Variants in DOCK10 observed in about 807,000 individuals in gnomAD.
DOCK10 encodes dedicator of cytokinesis 10, also known as dedicator of cytokinesis protein 10.
In DOCK10, 145 loss-of-function variants were observed where a neutral mutation model predicts 280.1. The ratio of observed to expected loss-of-function variants is 0.52; its 90% confidence interval spans 0.45 to 0.59. DOCK10 has a LOEUF of 0.59. Ranked by LOEUF, DOCK10 falls within the 20% of genes least tolerant of loss-of-function variation. The probability of loss-of-function intolerance (pLI) is 0.00; values close to 1 mark genes in which losing one functional copy is unlikely to be tolerated. For missense variants in DOCK10, 2,368 were observed against 2,651.7 expected, an observed-to-expected ratio of 0.89 and a Z score of 2.35; for synonymous variants, 915 against 942.2, an observed-to-expected ratio of 0.97 and a Z score of 0.53.
intron 28 of DOCK10, among the ~76,000 whole-genome samples, chr2:224,822,543 G>A (rs994449196): frequency 1.3e-5 from 2 of 152,018 alleles, no homozygotes; most frequent in Non-Finnish European, 2.9e-5. Context: ...TGGGCTACGT[G>A]GCAAAACCCC....
chr2:224,808,138 T>C, intron 31 of DOCK10, 52 bp from the exon 32 acceptor site: 1 of 1,514,062 alleles, frequency 6.6e-7, no homozygotes, highest in Non-Finnish European at 9.0e-7. Flanking sequence ...ATGATCACTT[T>C]ATAATTGAGA....
At chr2:224,886,008 G>A (rs772931077) in intron 6 of DOCK10, 55 bp downstream of exon 6, 57 of 1,609,264 alleles carry the variant, frequency 3.5e-5, no homozygotes, top group Middle Eastern at 1.8e-4. Flanking sequence ...GTGACCAGAG[G>A]AGGGAGTGTT....
intron 1 of DOCK10, among the ~76,000 whole-genome samples, chr2:224,946,319 A>G (rs1034050099): frequency 6.6e-6 from 1 of 152,186 alleles, no homozygotes; most frequent in African/African-American, 2.4e-5. Context: ...AAAACCTTTA[A>G]AAGTATCACT....
At chr2:224,949,694 A>T (rs1703621173) in intron 1 of DOCK10, among the ~76,000 whole-genome samples, 1 of 152,164 alleles carries the variant, frequency 6.6e-6, no homozygotes, top group South Asian at 2.1e-4. Flanking sequence ...CAAATCCTGG[A>T]TCCATCACTT....
At position 224,886,330 on chromosome 2, in the gene DOCK10, G is replaced by A. The variant is rs975158228; in HGVS notation, c.489+129C>T. ...TTTCAAAACAAACGTGACTCATTTT[G>A]ACTAAAAGCCCTACCACCAACAGCT... On this transcript the variant is annotated intron_variant, in intron 5 of 55. Transcript: ENST00000258390. The A allele has an allele frequency of 6.1e-6, 9 of 1,467,270 alleles. No homozygotes were observed. The African/African-American group carries it at 1.3e-4, about 21-fold the overall frequency. 90.9% of individuals were successfully genotyped at this position (1,467,270 alleles called of 1,614,324 possible).
At chr2:224,972,672 G>C (rs556078059) in intron 1 of DOCK10, among the ~76,000 whole-genome samples, 2 of 152,030 alleles carry the variant, frequency 1.3e-5, no homozygotes, top group Admixed American at 1.3e-4. Context: ...CCTGATTTTC[G>C]ACTTTTCTTT....
chr2:224,871,967 C>T (rs1050804864), intron 11 of DOCK10, among the ~76,000 whole-genome samples: 3 of 152,166 alleles, frequency 2.0e-5, no homozygotes, highest in Admixed American at 1.3e-4. Flanking sequence ...TATCTAGTTA[C>T]TTCCTGTTTT....
rs748897529 is a variant in DOCK10, at chr2:224,765,698, G to T, written c.*23C>A. 1.3e-6 allele frequency: 2 copies of T among 1,487,318 alleles called. No individual in the cohort carries two copies. Among genetic ancestry groups the T allele is most frequent in the Admixed American group, 1.7e-5 (1 of 57,758 alleles). 92.1% of individuals were successfully genotyped at this position (1,487,318 alleles called of 1,614,324 possible). On this transcript the variant is annotated 3_prime_UTR_variant, in exon 56 of 56. Transcript: ENST00000258390. Reference sequence around the variant, plus strand: ...GCAAATTCAGAAAGTTCTCTTAGAGGTGGGTCTGATGCTGCAGAGCCCTCA... The same window carrying T: ...GCAAATTCAGAAAGTTCTCTTAGAGTTGGGTCTGATGCTGCAGAGCCCTCA...
At chr2:224,876,714 T>A (rs1698653075) in intron 7 of DOCK10, among the ~76,000 whole-genome samples, 1 of 152,154 alleles carries the variant, frequency 6.6e-6, no homozygotes, top group Non-Finnish European at 1.5e-5. Flanking sequence ...CAATGGCCAC[T>A]TCCTCCTTTC....
intron 2 of DOCK10, among the ~76,000 whole-genome samples, chr2:224,927,936 C>T (rs140827097): frequency 4.7e-4 from 71 of 152,230 alleles, no homozygotes; most frequent in African/African-American, 1.7e-3. Flanking sequence ...AAGCTTGGAG[C>T]GGCCCCTCTC....
intron 4 of DOCK10, among the ~76,000 whole-genome samples, chr2:224,889,451 A>G (rs1699529594): frequency 6.6e-6 from 1 of 152,248 alleles, no homozygotes; most frequent in Non-Finnish European, 1.5e-5. Flanking sequence ...CATAACATGG[A>G]AATTTATCAT....
At chr2:224,785,726 C>T (rs752437671) in intron 50 of DOCK10, among the ~76,000 whole-genome samples, 10 of 152,162 alleles carry the variant, frequency 6.6e-5, no homozygotes, top group Non-Finnish European at 1.2e-4. Context: ...GTGATCCGCC[C>T]GCCTCAGCCT....
In DOCK10 at chr2:224,960,886, C is replaced by T. The variant is rs375422570; in HGVS notation, c.124-29218G>A. Among the ~76,000 whole-genome samples the T allele has an allele frequency of 8.8e-3, 1,336 of 151,698 alleles. 28 individuals are homozygous for T. Among genetic ancestry groups the T allele is most frequent in the African/African-American group, 0.03 (1,256 of 41,390 alleles). On this transcript the variant is annotated intron_variant, in intron 1 of 55. Coordinates refer to ENST00000258390, the MANE Select transcript of DOCK10 (RefSeq NM_014689.3). ...TCCCGTGTAGCTGGGACTACAGGCG[C>T]GCGCCACCGCGCCCGGCTAATTTTT...
chr2:224,950,621 TC>T (rs901043374), intron 1 of DOCK10, among the ~76,000 whole-genome samples: 2 of 152,010 alleles, frequency 1.3e-5, no homozygotes, highest in African/African-American at 4.8e-5. Flanking sequence ...AGGGAGGGTT[TC>T]CCCCCTTTAT....
chr2:224,795,105 G>C lies in DOCK10; in HGVS notation c.4939-11C>G, dbSNP rs758537778. 3 of 1,611,772 alleles carry C rather than the reference G, an allele frequency of 1.9e-6. No individual in the cohort carries two copies. Among genetic ancestry groups the C allele is most frequent in the Non-Finnish European group, 2.5e-6 (3 of 1,178,008 alleles). On this transcript the variant is annotated splice_polypyrimidine_tract_variant and intron_variant, in intron 44 of 55. Coordinates refer to ENST00000258390, the MANE Select transcript of DOCK10 (RefSeq NM_014689.3). ...TGGGAAATTGCTGTTCTTTGGAAAA[G>C]AGAGAGCCTGGGTCATTATCTGTTT...
intron 9 of DOCK10, 118 bp downstream of exon 9, chr2:224,874,548 G>T: frequency 1.8e-6 from 2 of 1,081,700 alleles, no homozygotes; most frequent in Non-Finnish European, 2.8e-6. Context: ...TTAACGGGAA[G>T]TTCCAAATTA....
At chr2:225,018,781 C>T (rs1195795487) in intron 1 of DOCK10, among the ~76,000 whole-genome samples, 1 of 138,212 alleles carries the variant, frequency 7.2e-6, no homozygotes, top group African/African-American at 3.0e-5. Flanking sequence ...ATATATACAC[C>T]TAAGATGTCA....
intron 39 of DOCK10, 112 bp downstream of exon 39, chr2:224,804,000 A>ATG (rs71062961): frequency 0.081 from 37,067 of 460,038 alleles, 897 homozygotes; most frequent in Admixed American, 0.1. Context: ...AAATAGAAAT[A>ATG]TGTGTGTGTG....
At position 224,787,505 on chromosome 2, in the gene DOCK10, G is replaced by A. The variant is rs16866177; in HGVS notation, c.5419-108C>T. ...TTGTCAAACTTTTCCCTCTGTTACT[G>A]GCATTTAAAACCCAGCAGGGGATCG... is the stretch of plus-strand genomic sequence containing the variant. On this transcript the variant is annotated intron_variant, in intron 48 of 55. Transcript: ENST00000258390. 4,531 of 1,405,642 alleles carry A rather than the reference G, an allele frequency of 3.2e-3. 75 individuals are homozygous for A. The African/African-American group carries it at 0.039, about 12-fold the overall frequency. The allele number at this position is 1,405,642 out of a possible 1,614,324, so 87.1% of individuals were successfully genotyped here. A position where few individuals can be genotyped will look rare whatever the true frequency, so the allele number is the denominator to read the frequency against.
Sources: gnomAD v4.1 joint callset for allele counts (sites outside exome capture counted in the v4.1 genomes callset) on GRCh38, gnomAD v4.1.1 for gene constraint, MANE v1.5 for transcripts, NCBI Gene and HGNC (gene_info 2026-07-23, HGNC 2026-07-21) for gene names.